The following TP63 variants were observed in gnomAD, a reference collection of about 807,000 sequenced individuals.
The protein encoded by TP63 is tumor protein p63.
Under a neutral mutation model 82.8 loss-of-function variants are expected in TP63, and 17 were observed. The observed-to-expected ratio is 0.21, with a 90% CI of 0.14 to 0.31. The LOEUF (loss-of-function observed/expected upper bound fraction) is 0.31, where lower values mean the gene tolerates loss of function less well. Ranked by LOEUF, TP63 falls within the 10% of genes least tolerant of loss-of-function variation. TP63 has a pLI of 1.00. For synonymous variants in TP63, 330 were observed against 321.7 expected (o/e 1.03, Z -0.28); for missense variants, 648 against 895.3 (o/e 0.72, Z 3.52).
rs73059033 is a variant in TP63, at chr3:189,891,678, G to A, written c.1746+796G>A. 6.8e-3 allele frequency among the ~76,000 whole-genome samples: 1,038 copies of A among 152,272 alleles called. 15 individuals carry two copies. Among genetic ancestry groups the A allele is most frequent in the African/African-American group, 0.024 (1,002 of 41,540 alleles). On this transcript the variant is annotated intron_variant, in intron 13 of 13. Transcript: ENST00000264731. Reference sequence around the variant, plus strand: ...TGTCTTTGAAACAAGCTGGGCGAGAGGGGACTTTTTCTTGCTTCCTACTCC... The same window carrying A: ...TGTCTTTGAAACAAGCTGGGCGAGAAGGGACTTTTTCTTGCTTCCTACTCC...
At chr3:189,734,116 CTCTT>C (rs1464909567) in intron 1 of TP63, among the ~76,000 whole-genome samples, 2 of 146,328 alleles carry the variant, frequency 1.4e-5, no homozygotes, top group Non-Finnish European at 3.0e-5. Context: ...TTCTCTCTCT[CTCTT>C]TCTCTCTTTC....
At chr3:189,728,711 C>T (rs1719946219) in intron 1 of TP63, among the ~76,000 whole-genome samples, 1 of 152,116 alleles carries the variant, frequency 6.6e-6, no homozygotes, top group Admixed American at 6.6e-5. Context: ...CAGAAGGCAC[C>T]TCTTCACAGG....
At chr3:189,799,472 ACCTAGGTGC>A (rs1726057924) in intron 3 of TP63, among the ~76,000 whole-genome samples, 1 of 152,116 alleles carries the variant, frequency 6.6e-6, no homozygotes, top group Non-Finnish European at 1.5e-5. Flanking sequence ...CTTATTGCTG[ACCTAGGTGC>A]ATTCGAAACA....
At position 189,895,534 on chromosome 3, in the gene TP63, C is replaced by T. The variant is rs949898272; in HGVS notation, c.*1032C>T. On this transcript the variant is annotated 3_prime_UTR_variant, in exon 14 of 14. Transcript: ENST00000264731. Reference sequence around the variant, plus strand: ...TTTGATTGGGATGAATGCCATCTATCTAGTTCTAACAGTGAAGTTTTACTG... The same window carrying T: ...TTTGATTGGGATGAATGCCATCTATTTAGTTCTAACAGTGAAGTTTTACTG... 16 of 220,256 alleles carry T rather than the reference C, an allele frequency of 7.3e-5. No homozygotes were observed. Among genetic ancestry groups the T allele is most frequent in the Non-Finnish European group, 1.5e-4 (16 of 110,030 alleles). The allele number at this position is 220,256 out of a possible 1,614,324, so 13.6% of individuals were successfully genotyped here.
At chr3:189,869,204 G>C in intron 8 of TP63, 120 bp from the exon 9 acceptor site, 1 of 814,738 alleles carries the variant, frequency 1.2e-6, no homozygotes. Flanking sequence ...TGGTACTACT[G>C]TCTTTTTAAT....
intron 1 of TP63, among the ~76,000 whole-genome samples, chr3:189,640,964 T>C (rs1711808256): frequency 1.3e-5 from 2 of 152,070 alleles, no homozygotes; most frequent in Admixed American, 1.3e-4. Context: ...GCAAAACATA[T>C]GCCTTTTGGA....
At chr3:189,715,856 A>G (rs1718919673) in intron 1 of TP63, among the ~76,000 whole-genome samples, 1 of 152,232 alleles carries the variant, frequency 6.6e-6, no homozygotes, top group Non-Finnish European at 1.5e-5. Context: ...CTACGTGAGC[A>G]CTGAGGCTTC....
At chr3:189,603,089 C>G in the TP63 span, among the ~76,000 whole-genome samples, 1 of 152,108 alleles carries the variant, frequency 6.6e-6, no homozygotes, top group East Asian at 1.9e-4. Context: ...GGCTCTTTTA[C>G]CCAGGACTCA....
chr3:189,839,569 C>T (rs747356046), intron 4 of TP63, among the ~76,000 whole-genome samples: 2 of 152,088 alleles, frequency 1.3e-5, no homozygotes, highest in African/African-American at 2.4e-5. Context: ...TCTTCTTATA[C>T]GGTAATATTA....
intron 1 of TP63, among the ~76,000 whole-genome samples, 170 bp downstream of exon 1, chr3:189,631,747 G>T (rs1013899707): frequency 1.8e-4 from 27 of 152,180 alleles, no homozygotes; most frequent in Admixed American, 1.5e-3. Flanking sequence ...TTTTCTGAAT[G>T]TCTTTTTTGG....
chr3:189,756,856 T>C (rs769521990), intron 3 of TP63, among the ~76,000 whole-genome samples: 11 of 152,100 alleles, frequency 7.2e-5, no homozygotes, highest in Non-Finnish European at 1.6e-4. Flanking sequence ...ACTGTATGCA[T>C]TAGGAATGAC....
the TP63 span, among the ~76,000 whole-genome samples, chr3:189,597,854 G>C: frequency 6.6e-6 from 1 of 151,718 alleles, no homozygotes; most frequent in Non-Finnish European, 1.5e-5. Context: ...CCTAAACCCA[G>C]GAGGTCAAGG....
At chr3:189,827,440 C>T (rs1212283993) in intron 4 of TP63, among the ~76,000 whole-genome samples, 1 of 152,108 alleles carries the variant, frequency 6.6e-6, no homozygotes, top group Admixed American at 6.6e-5. Flanking sequence ...AGTGCTGGCA[C>T]ATATAATGGG....
intron 3 of TP63, among the ~76,000 whole-genome samples, chr3:189,786,110 G>T (rs1446420537): frequency 6.6e-6 from 1 of 151,952 alleles, no homozygotes; most frequent in African/African-American, 2.4e-5. Context: ...GGTATTTTAT[G>T]AAAATGGCAT....
chr3:189,696,478 G>A (rs1211586061), intron 1 of TP63, among the ~76,000 whole-genome samples: 1 of 151,996 alleles, frequency 6.6e-6, no homozygotes, highest in Non-Finnish European at 1.5e-5. Flanking sequence ...TCCAATTCTT[G>A]GTAATTATGA....
At chr3:189,798,884 G>A (rs1206691992) in intron 3 of TP63, among the ~76,000 whole-genome samples, 2 of 152,084 alleles carry the variant, frequency 1.3e-5, no homozygotes, top group Non-Finnish European at 2.9e-5. Flanking sequence ...TGCAGTTAAA[G>A]TGACAGCTGA....
intron 1 of TP63, among the ~76,000 whole-genome samples, chr3:189,641,136 G>A (rs149760040): frequency 0.038 from 5,841 of 152,104 alleles, 142 homozygotes; most frequent in Middle Eastern, 0.054. Context: ...TGTAAACTTA[G>A]TAGTTGAGTT....
intron 13 of TP63, among the ~76,000 whole-genome samples, chr3:189,893,684 T>C (rs1721243325): frequency 6.6e-6 from 1 of 152,240 alleles, no homozygotes; most frequent in South Asian, 2.1e-4. Flanking sequence ...TCAACCTCTC[T>C]GGCCTTCAGT....
At chr3:189,860,196 TGAG>T (rs1716850541) in intron 4 of TP63, among the ~76,000 whole-genome samples, 1 of 152,042 alleles carries the variant, frequency 6.6e-6, no homozygotes, top group Admixed American at 6.5e-5. Flanking sequence ...AAGTCAATGT[TGAG>T]GAGCAATTTA....
Sources: gnomAD v4.1 joint callset for allele counts (sites outside exome capture counted in the v4.1 genomes callset) on GRCh38, gnomAD v4.1.1 for gene constraint, MANE v1.5 for transcripts, NCBI Gene and HGNC (gene_info 2026-07-23, HGNC 2026-07-21) for gene names.